Variants in ADGRL2 observed in about 807,000 individuals in gnomAD.
ADGRL2 encodes the protein adhesion G protein-coupled receptor L2.
ADGRL2 carries 44 observed loss-of-function variants against 157.4 expected under a neutral mutation model. That is an observed-to-expected ratio of 0.28 (90% CI 0.22 to 0.36). ADGRL2 has a LOEUF of 0.36. Among genes scored for constraint, ADGRL2 ranks in the 10% least tolerant of loss-of-function variants. The pLI, the probability that ADGRL2 is intolerant of heterozygous loss-of-function variation, is 1.00. For synonymous variants in ADGRL2, 585 were observed against 624.7 expected (o/e 0.94, Z 0.95); for missense variants, 1,510 against 1,768.9 (o/e 0.85, Z 2.63).
chr1:81,452,150 C>G (rs201000978), intron 2 of ADGRL2, among the ~76,000 whole-genome samples: 1 of 152,008 alleles, frequency 6.6e-6, no homozygotes, highest in Non-Finnish European at 1.5e-5. Context: ...CTAACTTTCT[C>G]CTTGTGACTT....
At chr1:81,667,741 T>G (rs926078868) in intron 3 of ADGRL2, among the ~76,000 whole-genome samples, 3 of 152,070 alleles carry the variant, frequency 2.0e-5, no homozygotes. Flanking sequence ...ATCTAAGTAT[T>G]TTTTTTAAAT....
Position 81,875,543 on chromosome 1 carries a change from C to T in ADGRL2, c.74-31474C>T, listed in dbSNP as rs1324331891. 2.0e-5 allele frequency among the ~76,000 whole-genome samples: 3 copies of T among 152,220 alleles called. No homozygotes were observed. In the East Asian group the frequency reaches 5.8e-4, roughly 29 times the overall value. On this transcript the variant is annotated intron_variant, in intron 2 of 23. Coordinates refer to ENST00000686636, the MANE Select transcript of ADGRL2 (RefSeq NM_001366006.2). ...ATTTTTAACTGTGATATATTTGAAT[C>T]TGTTTAATATTGCACCATATTGTGA...
At chr1:81,522,621 T>C (rs1370145011) in intron 2 of ADGRL2, among the ~76,000 whole-genome samples, 3 of 152,212 alleles carry the variant, frequency 2.0e-5, no homozygotes, top group South Asian at 4.1e-4. Flanking sequence ...GTTTAAGCTA[T>C]ACTTTTTCTG....
chr1:81,825,497 C>T (rs928404292), intron 1 of ADGRL2, among the ~76,000 whole-genome samples: 3 of 151,790 alleles, frequency 2.0e-5, no homozygotes, highest in African/African-American at 4.8e-5. Context: ...TGCAGGCATA[C>T]GCCACCATGC....
chr1:81,869,794 T>C (rs1031495081), intron 2 of ADGRL2, among the ~76,000 whole-genome samples: 5 of 152,080 alleles, frequency 3.3e-5, no homozygotes, highest in Admixed American at 6.6e-5. Context: ...GTGTTAAGTT[T>C]TTTTTAATTA....
intron 3 of ADGRL2, among the ~76,000 whole-genome samples, chr1:81,676,680 TTA>T (rs1218459840): frequency 9.2e-5 from 13 of 141,128 alleles, no homozygotes; most frequent in African/African-American, 3.3e-4. Flanking sequence ...CTCACTGGAT[TTA>T]TTTTATTTTA....
At chr1:81,890,858 A>G (rs2094244434) in intron 2 of ADGRL2, among the ~76,000 whole-genome samples, 1 of 152,028 alleles carries the variant, frequency 6.6e-6, no homozygotes, top group South Asian at 2.1e-4. Context: ...GAAATTGTAT[A>G]TTTTTAGATT....
At chr1:81,957,406 G>C (rs994794531) in intron 11 of ADGRL2, among the ~76,000 whole-genome samples, 1 of 152,150 alleles carries the variant, frequency 6.6e-6, no homozygotes, top group African/African-American at 2.4e-5. Context: ...GAGTTCTAAA[G>C]GATTATTTTT....
chr1:81,608,993 C>T (rs771154733), intron 3 of ADGRL2, among the ~76,000 whole-genome samples: 1 of 151,684 alleles, frequency 6.6e-6, no homozygotes, highest in Non-Finnish European at 1.5e-5. Flanking sequence ...AAAGAGGAGG[C>T]GGGATGGAGA....
At chr1:81,840,533 C>G (rs2092529326) in intron 2 of ADGRL2, among the ~76,000 whole-genome samples, 3 of 152,152 alleles carry the variant, frequency 2.0e-5, no homozygotes, top group Middle Eastern at 3.4e-3. Context: ...GGGCAAATCA[C>G]TAAGCATTTT....
At chr1:81,481,051 A>C (rs1401218210) in intron 2 of ADGRL2, among the ~76,000 whole-genome samples, 1 of 152,202 alleles carries the variant, frequency 6.6e-6, no homozygotes, top group African/African-American at 2.4e-5. Context: ...ATACAAATTA[A>C]AGAAATTTAA....
At chr1:81,360,091 G>A (rs951012290) in intron 1 of ADGRL2, among the ~76,000 whole-genome samples, 1 of 151,868 alleles carries the variant, frequency 6.6e-6, no homozygotes, top group Non-Finnish European at 1.5e-5. Flanking sequence ...ATTCAACATG[G>A]CCTTCAAGAC....
intron 3 of ADGRL2, among the ~76,000 whole-genome samples, chr1:81,691,754 C>T (rs553502): frequency 0.34 from 50,873 of 150,872 alleles, 8,701 homozygotes; most frequent in Admixed American, 0.4. Flanking sequence ...CCACCTCAGC[C>T]TCCCAAAGTT....
chr1:81,524,196 T>TA (rs59596783), intron 2 of ADGRL2, among the ~76,000 whole-genome samples: 53 of 145,864 alleles, frequency 3.6e-4, no homozygotes, highest in Admixed American at 1.8e-3. Flanking sequence ...CCATCTCTAC[T>TA]AAAAAAAAAA....
intron 1 of ADGRL2, among the ~76,000 whole-genome samples, chr1:81,414,777 A>G (rs1211909511): frequency 6.6e-6 from 1 of 152,224 alleles, no homozygotes; most frequent in East Asian, 1.9e-4. Context: ...AAAGCTTTAG[A>G]AAACAGATTT....
chr1:81,408,080 G>T (rs1183803675), intron 1 of ADGRL2, among the ~76,000 whole-genome samples: 1 of 152,150 alleles, frequency 6.6e-6, no homozygotes, highest in African/African-American at 2.4e-5. Context: ...TTAATCAGGA[G>T]TTCAGATCTC....
At chr1:81,720,542 G>A (rs1247279422) in intron 1 of ADGRL2, among the ~76,000 whole-genome samples, 5 of 151,984 alleles carry the variant, frequency 3.3e-5, no homozygotes, top group Non-Finnish European at 5.9e-5. Context: ...TTTTTAAACT[G>A]TTTCTTCTGA....
intron 1 of ADGRL2, among the ~76,000 whole-genome samples, chr1:81,832,364 C>T (rs891433533): frequency 5.3e-5 from 8 of 152,056 alleles, no homozygotes; most frequent in African/African-American, 1.4e-4. Context: ...AGGCTGGTCT[C>T]GAACTCCTGA....
chr1:81,611,998 G>T (rs1231256883), intron 3 of ADGRL2, among the ~76,000 whole-genome samples: 1 of 152,148 alleles, frequency 6.6e-6, no homozygotes, highest in African/African-American at 2.4e-5. Context: ...TTCGCCTCCT[G>T]CCATGATTGT....
Sources: gnomAD v4.1 joint callset for allele counts (sites outside exome capture counted in the v4.1 genomes callset) on GRCh38, gnomAD v4.1.1 for gene constraint, MANE v1.5 for transcripts, NCBI Gene and HGNC (gene_info 2026-07-23, HGNC 2026-07-21) for gene names.